The following MATN3 variants were observed in gnomAD, a reference collection of about 807,000 sequenced individuals.
MATN3 encodes matrilin 3.
A neutral mutation model predicts 45.3 loss-of-function variants in MATN3; 48 were observed. The observed-to-expected ratio is 1.06, with a 90% CI of 0.84 to 1.35. MATN3 has a LOEUF of 1.35. Among genes scored for constraint, MATN3 ranks in the 40% most tolerant of loss-of-function variants. The pLI is 0.00. For synonymous variants in MATN3, 217 were observed against 245.9 expected, an observed-to-expected ratio of 0.88 and a Z score of 1.10; for missense variants, 599 against 628.0, an observed-to-expected ratio of 0.95 and a Z score of 0.49.
At chr2:20,006,627 A>G (rs778503183) in intron 1 of MATN3, among the ~76,000 whole-genome samples, 20 of 152,124 alleles carry the variant, frequency 1.3e-4, no homozygotes, top group Non-Finnish European at 2.5e-4. Flanking sequence ...ATTCCTGGGA[A>G]TTAATAGATT....
At chr2:20,003,774 C>T (rs776002971) in intron 2 of MATN3, among the ~76,000 whole-genome samples, 3 of 152,196 alleles carry the variant, frequency 2.0e-5, no homozygotes, top group Non-Finnish European at 4.4e-5. Flanking sequence ...AAGCCTAGAA[C>T]GAACTCACAG....
intron 6 of MATN3, among the ~76,000 whole-genome samples, chr2:19,994,967 G>T (rs1328065603): frequency 6.6e-6 from 1 of 152,012 alleles, no homozygotes; most frequent in East Asian, 1.9e-4. Flanking sequence ...GCACACACCT[G>T]TAATCCTAGC....
intron 1 of MATN3, among the ~76,000 whole-genome samples, chr2:20,009,117 T>C (rs1478211493): frequency 6.6e-6 from 1 of 150,590 alleles, no homozygotes; most frequent in African/African-American, 2.4e-5. Flanking sequence ...CCCAGCTGCT[T>C]AGGGGGCTGA....
Position 19,992,573 on chromosome 2 carries a change from A to G in MATN3, c.*538T>C, listed in dbSNP as rs1672778478. On this transcript the variant is annotated 3_prime_UTR_variant, in exon 8 of 8. Coordinates refer to ENST00000407540, the MANE Select transcript of MATN3 (RefSeq NM_002381.5). ...AACTATTTTTAGATATGTGTATTACAATCTATTGATCACATCTTCAATAAT... is the reference window on the plus strand; with the variant it reads ...AACTATTTTTAGATATGTGTATTACGATCTATTGATCACATCTTCAATAAT... 1 of 153,626 alleles carries G rather than the reference A, an allele frequency of 6.5e-6. No individual in the cohort carries two copies. The highest frequency in any genetic ancestry group is 6.5e-5 in the Admixed American group (1 of 15,302). 9.5% of individuals were successfully genotyped at this position (153,626 alleles called of 1,614,324 possible). A position where few individuals can be genotyped will look rare whatever the true frequency, so the allele number is the denominator to read the frequency against.
chr2:20,002,690 C>T (rs1673009666), intron 3 of MATN3, among the ~76,000 whole-genome samples: 1 of 152,126 alleles, frequency 6.6e-6, no homozygotes, highest in Non-Finnish European at 1.5e-5. Context: ...GCCTCGACCT[C>T]CTGGTCTCAA....
chr2:19,997,313 A>G, intron 5 of MATN3, 54 bp from the exon 6 acceptor site: 1 of 1,521,506 alleles, frequency 6.6e-7, no homozygotes. Context: ...TAGAAAAGTA[A>G]ACACAAATGT....
At chr2:19,997,933 C>A (rs1672912165) in intron 5 of MATN3, 1 of 152,206 alleles carries the variant, frequency 6.6e-6, no homozygotes, top group African/African-American at 2.4e-5. Context: ...AGCAAAGTGC[C>A]ATACTCATCC....
chr2:20,000,531 G>A lies in MATN3; in HGVS notation c.1078C>T (p.Gln360Ter), dbSNP rs1310214387. ...GTTCTGTCATTCACACAAATGTGCTGACACCCATGGGTACCCAAAGCACAT... is the reference window on the plus strand; with the variant it reads ...GTTCTGTCATTCACACAAATGTGCTAACACCCATGGGTACCCAAAGCACAT... The part of the protein sequence containing the change: ...DKCALGTHGC[Q>*]HICVNDRTGS... Residue 360 changes from glutamine to a stop codon, truncating the protein, a stop_gained, in exon 5 of 8, where the codon CAG becomes TAG. Coordinates refer to ENST00000407540, the MANE Select transcript of MATN3 (RefSeq NM_002381.5). LOFTEE classifies it high-confidence loss of function. 2 of 1,611,942 alleles carry A rather than the reference G, an allele frequency of 1.2e-6. No homozygotes were observed. Among genetic ancestry groups the A allele is most frequent in the South Asian group, 1.1e-5 (1 of 90,536 alleles).
chr2:20,005,750 A>C lies in MATN3; in HGVS notation c.784T>G (p.Phe262Val). ...EKLSSRFQETFCALDPCVLGT... is the reference protein window; with the variant it reads ...EKLSSRFQETVCALDPCVLGT... ...CAAAGACTGACCAACTTACCACAGA[A>C]GGTTTCCTGGAATCTAGAGGAAAGT... The change falls in exon 2 of 8, where the codon TTC (phenylalanine) becomes GTC (valine). Residue 262 changes from phenylalanine (F) to valine (V), a missense_variant. Transcript: ENST00000407540. 1.9e-6 allele frequency: 3 copies of C among 1,595,768 alleles called. No individual in the cohort carries two copies. The highest frequency in any genetic ancestry group is 2.6e-6 in the Non-Finnish European group (3 of 1,167,814).
In MATN3 at chr2:20,012,376, T is replaced by C. The variant is rs904278481; in HGVS notation, c.223+33A>G. 5 of 1,221,920 alleles carry C rather than the reference T, an allele frequency of 4.1e-6. No homozygotes were observed. The highest frequency in any genetic ancestry group is 6.3e-5 in the East Asian group (2 of 31,530). The allele number at this position is 1,221,920 out of a possible 1,614,324, so 75.7% of individuals were successfully genotyped here. ...ATGCCCTGGGCTTCTCCTCGTTCGA[T>C]GCTCACGCGTCCCTCCCGCCGCCCG... is the stretch of plus-strand genomic sequence containing the variant. On this transcript the variant is annotated intron_variant, in intron 1 of 7. Coordinates refer to ENST00000407540, the MANE Select transcript of MATN3 (RefSeq NM_002381.5). This position sits in a 1 kb window ranked among gnomAD's most constrained non-coding sequence, Gnocchi z 4.3.
Position 20,005,756 on chromosome 2 carries a change from C to A in MATN3, c.778G>T (p.Glu260Ter). ...CTGACCAACTTACCACAGAAGGTTT[C>A]CTGGAATCTAGAGGAAAGTTTCTCA... ...VIEKLSSRFQETFCALDPCVL... is the reference protein window; with the variant it reads ...VIEKLSSRFQ The change falls in exon 2 of 8, where the codon GAA becomes TAA. Residue 260 changes from glutamate to a stop codon, truncating the protein, a stop_gained. Transcript: ENST00000407540. LOFTEE classifies it high-confidence loss of function. 1 of 1,598,146 alleles carries A rather than the reference C, an allele frequency of 6.3e-7. No individual in the cohort carries two copies.
intron 1 of MATN3, among the ~76,000 whole-genome samples, chr2:20,006,781 C>T (rs3943327): frequency 0.12 from 18,092 of 152,218 alleles, 1,472 homozygotes; most frequent in East Asian, 0.23. Context: ...TGAGGCAAGG[C>T]ACTCAGGGGC....
chr2:20,007,767 T>C (rs1201578074), intron 1 of MATN3, among the ~76,000 whole-genome samples: 1 of 152,218 alleles, frequency 6.6e-6, no homozygotes, highest in Non-Finnish European at 1.5e-5. Flanking sequence ...TAGCCAGATT[T>C]CCCACCTTCA....
rs1462585078 is a variant in MATN3 at position 19,995,892 on chromosome 2, T to C, written c.1294+1242A>G. On this transcript the variant is annotated intron_variant, in intron 6 of 7. Coordinates refer to ENST00000407540, the MANE Select transcript of MATN3 (RefSeq NM_002381.5). This position sits in a 1 kb window ranked among gnomAD's most constrained non-coding sequence, Gnocchi z 4.2. ...ATAATCTATCATCTATCCACCTGTC[T>C]GAATCCTATTGAACCTTTTAGGGAC... Among the ~76,000 whole-genome samples, 1 of 152,242 alleles carries C rather than the reference T, an allele frequency of 6.6e-6. No homozygotes were observed. The highest frequency in any genetic ancestry group is 1.5e-5 in the Non-Finnish European group (1 of 68,034).
chr2:19,994,395 G>A lies in MATN3; in HGVS notation c.1309C>T (p.Arg437Ter), dbSNP rs755049041. 25 of 1,607,954 alleles carry A rather than the reference G, an allele frequency of 1.6e-5. No homozygotes were observed. Among genetic ancestry groups the A allele is most frequent in the African/African-American group, 6.7e-5 (5 of 74,784 alleles). ...GCATCTTCAGTGGAAACAAGTCTTC[G>A]TGCTTCCTCAGTGGCTGAAGACAAT... ...KKTCSATEEA[R>*]RLVSTEDACG... The change falls in exon 7 of 8, where the codon CGA becomes TGA. Residue 437 changes from arginine to a stop codon, truncating the protein, a stop_gained. Transcript: ENST00000407540. LOFTEE classifies it high-confidence loss of function.
chr2:20,007,351 A>T (rs1673127798), intron 1 of MATN3, among the ~76,000 whole-genome samples: 1 of 152,092 alleles, frequency 6.6e-6, no homozygotes, highest in Non-Finnish European at 1.5e-5. Context: ...CAACTTGGTG[A>T]AACCCTGTCT....
intron 2 of MATN3, 138 bp downstream of exon 2, chr2:20,005,606 G>A: frequency 1.1e-5 from 8 of 707,948 alleles, no homozygotes; most frequent in Middle Eastern, 4.0e-4. Flanking sequence ...ATGCACACGT[G>A]CACACACACA....
intron 4 of MATN3, 21 bp from the exon 5 acceptor site, chr2:20,000,587 A>G: frequency 6.2e-7 from 1 of 1,602,184 alleles, no homozygotes. Context: ...AAAAGTCAGG[A>G]GAAAAGAAAT....
chr2:20,010,064 T>TCCAAAAAAA lies in MATN3; in HGVS notation c.223+2344_223+2345insTTTTTTTGG, dbSNP rs1247085339. Among the ~76,000 whole-genome samples the TCCAAAAAAA allele has an allele frequency of 2.3e-3, 25 of 10,760 alleles. 1 individual carries two copies. The highest frequency in any genetic ancestry group is 2.3e-3 in the Non-Finnish European group (18 of 7,716). The allele number at this position is 10,760 out of a possible 152,430, so 7.1% of individuals were successfully genotyped here. A position where few individuals can be genotyped will look rare whatever the true frequency, so the allele number is the denominator to read the frequency against. On this transcript the variant is annotated intron_variant, in intron 1 of 7. Coordinates refer to ENST00000407540, the MANE Select transcript of MATN3 (RefSeq NM_002381.5). The stretch of plus-strand genomic sequence containing the variant: ...TTGTCTCAGAATAAATCTCTTCAAA[T>TCCAAAAAAA]ACTAAAAAAAAAAAAAAAAAAAAAA...
Sources: allele counts gnomAD v4.1 joint callset (sites outside exome capture counted in the v4.1 genomes callset), GRCh38; gene constraint gnomAD v4.1.1; non-coding constraint Gnocchi (gnomAD v3.1); transcripts MANE v1.5; gene names NCBI Gene and HGNC (gene_info 2026-07-23, HGNC 2026-07-21).